Variants in PAK3 observed in about 807,000 individuals in gnomAD.
PAK3 encodes the protein serine/threonine-protein kinase PAK 3.
A neutral mutation model predicts 41.0 loss-of-function variants in PAK3; 4 were observed. That is an observed-to-expected ratio of 0.10 (90% confidence interval 0.05 to 0.22). PAK3 has a LOEUF of 0.22. PAK3 is among the 10% of genes least tolerant of loss of function. The pLI is 1.00. For synonymous variants in PAK3, 146 were observed against 139.6 expected (o/e 1.05, Z -0.32); for missense variants, 205 against 409.9 (o/e 0.50, Z 4.32).
chrX:111,172,688 A>G (rs2094358703), intron 10 of PAK3, among the ~76,000 whole-genome samples: 1 of 111,203 alleles, frequency 9.0e-6, no homozygotes, highest in East Asian at 2.8e-4. Flanking sequence ...CCTAATATAT[A>G]GTATTATGAG....
intron 5 of PAK3, among the ~76,000 whole-genome samples, chrX:111,136,769 A>G (rs773763337): frequency 2.2e-4 from 25 of 112,018 alleles, no homozygotes; most frequent in African/African-American, 8.1e-4. Flanking sequence ...TGGGGCAACT[A>G]TGGTTCTTCA....
At chrX:111,044,189 C>T (rs1352604267) in intron 1 of PAK3, among the ~76,000 whole-genome samples, 1 of 111,846 alleles carries the variant, frequency 8.9e-6, no homozygotes, top group Non-Finnish European at 1.9e-5. Context: ...GGGAAAATTC[C>T]ATGAAGTTAC....
At chrX:110,971,255 C>T (rs867801648) in intron 1 of PAK3, among the ~76,000 whole-genome samples, 3 of 111,919 alleles carry the variant, frequency 2.7e-5, no homozygotes, top group Non-Finnish European at 5.6e-5. Context: ...CACCATCTTC[C>T]CCGGCCATAA....
At chrX:111,029,809 A>G (rs1276294905) in intron 1 of PAK3, among the ~76,000 whole-genome samples, 2 of 112,025 alleles carry the variant, frequency 1.8e-5, no homozygotes, top group Middle Eastern at 9.2e-3. Context: ...GCATTGCACT[A>G]TATGTGATGA....
intron 1 of PAK3, among the ~76,000 whole-genome samples, chrX:111,024,116 A>T (rs1002666828): frequency 9.8e-5 from 11 of 112,077 alleles, no homozygotes; most frequent in African/African-American, 2.9e-4. Flanking sequence ...GCATATGGCT[A>T]GCCAGTTTTC....
intron 11 of PAK3, among the ~76,000 whole-genome samples, chrX:111,177,734 A>G (rs930398366): frequency 8.9e-6 from 1 of 111,828 alleles, no homozygotes; most frequent in African/African-American, 3.2e-5. Context: ...GTCAACAGCT[A>G]TCAATAGCAA....
At chrX:111,099,207 G>A (rs772805813) in intron 3 of PAK3, among the ~76,000 whole-genome samples, 2 of 112,426 alleles carry the variant, frequency 1.8e-5, no homozygotes, top group Non-Finnish European at 3.8e-5. Flanking sequence ...GCGCTCTGTG[G>A]CTTTGGAAGG....
chrX:111,172,826 G>T (rs2094360753), intron 10 of PAK3, among the ~76,000 whole-genome samples, 192 bp from the exon 11 acceptor site: 1 of 111,223 alleles, frequency 9.0e-6, no homozygotes, highest in Non-Finnish European at 1.9e-5. Context: ...ATTTTAATAA[G>T]TAGAAAGTAT....
rs192043036 is a variant in PAK3, at chrX:110,962,114, C to T, written c.-28+17486C>T. 3.8e-3 allele frequency among the ~76,000 whole-genome samples: 424 copies of T among 112,028 alleles called. 1 individual carries two copies. The highest frequency in any genetic ancestry group is 0.013 in the South Asian group (33 of 2,633). On this transcript the variant is annotated intron_variant, in intron 1 of 14. Coordinates refer to the PAK3 transcript ENST00000425146. ...TCAAGTATCACCTACATGTTCATGA[C>T]TCCCAGATATATTACCCCCACTATG... is the stretch of plus-strand genomic sequence containing the variant.
At chrX:111,049,770 G>T (rs1603010695) in intron 1 of PAK3, among the ~76,000 whole-genome samples, 1 of 112,178 alleles carries the variant, frequency 8.9e-6, no homozygotes, top group Non-Finnish European at 1.9e-5. Flanking sequence ...TATAGGAGTA[G>T]AAAGAAGAAT....
chrX:111,083,488 G>C (rs2092852606), intron 1 of PAK3, among the ~76,000 whole-genome samples: 1 of 112,098 alleles, frequency 8.9e-6, no homozygotes, highest in Admixed American at 9.4e-5. Context: ...TCTCACTTAT[G>C]ACAAGGCTAG....
chrX:111,189,721 C>G (rs753172253), intron 11 of PAK3, among the ~76,000 whole-genome samples: 4 of 111,343 alleles, frequency 3.6e-5, no homozygotes, highest in Non-Finnish European at 5.7e-5. Flanking sequence ...GTCTGTATGT[C>G]AAAAGGCATT....
intron 1 of PAK3, among the ~76,000 whole-genome samples, chrX:110,956,368 C>G (rs999589655): frequency 8.9e-6 from 1 of 111,767 alleles, no homozygotes; most frequent in East Asian, 2.8e-4. Flanking sequence ...CGGTTGCCAT[C>G]CTCAGAGGAC....
intron 1 of PAK3, among the ~76,000 whole-genome samples, chrX:110,952,777 C>T: frequency 9.0e-6 from 1 of 111,507 alleles, no homozygotes; most frequent in East Asian, 2.8e-4. Context: ...TAATATTTGT[C>T]TTTTTTTCTC....
At chrX:110,973,446 T>G (rs755396273) in intron 1 of PAK3, among the ~76,000 whole-genome samples, 9 of 111,874 alleles carry the variant, frequency 8.0e-5, no homozygotes, top group Non-Finnish European at 1.3e-4. Context: ...AACCCAGAAT[T>G]TCATATCCAG....
chrX:111,211,200 T>G (rs2094815460), intron 16 of PAK3, among the ~76,000 whole-genome samples: 1 of 108,179 alleles, frequency 9.2e-6, no homozygotes, highest in Non-Finnish European at 1.9e-5. Context: ...GGCCCTAGGG[T>G]GAGAAGAGAA....
chrX:111,167,781 G>C, intron 10 of PAK3, among the ~76,000 whole-genome samples: 1 of 110,425 alleles, frequency 9.1e-6, no homozygotes, highest in Non-Finnish European at 1.9e-5. Flanking sequence ...GTAGATGACG[G>C]GTTGATAGGT....
intron 1 of PAK3, among the ~76,000 whole-genome samples, chrX:111,037,346 C>G (rs759234036): frequency 8.9e-6 from 1 of 111,963 alleles, no homozygotes; most frequent in East Asian, 2.8e-4. Flanking sequence ...CTTACTGACT[C>G]CCTACAAATA....
chrX:111,072,081 G>A (rs1375435846), intron 1 of PAK3, among the ~76,000 whole-genome samples: 1 of 111,936 alleles, frequency 8.9e-6, no homozygotes, highest in East Asian at 2.8e-4. Flanking sequence ...CTTGTACACT[G>A]TACTGGAAAT....
Sources: allele counts gnomAD v4.1 joint callset (sites outside exome capture counted in the v4.1 genomes callset), GRCh38; gene constraint gnomAD v4.1.1; transcripts MANE v1.5; gene names NCBI Gene and HGNC (gene_info 2026-07-23, HGNC 2026-07-21).